Variants in TRPM5 observed in about 807,000 individuals in gnomAD.
TRPM5 encodes the protein transient receptor potential cation channel subfamily M member 5.
In TRPM5, 121 loss-of-function variants were observed where a neutral mutation model predicts 124.9. That is an observed-to-expected ratio of 0.97 (90% CI 0.84 to 1.13). TRPM5 has a LOEUF of 1.13. TRPM5 is among the 50% of genes most tolerant of loss of function. The pLI is 0.00. For synonymous variants in TRPM5, 781 were observed against 700.5 expected, an observed-to-expected ratio of 1.11 and a Z score of -1.81; for missense variants, 1,643 against 1,589.1, an observed-to-expected ratio of 1.03 and a Z score of -0.58.
intron 2 of TRPM5, among the ~76,000 whole-genome samples, chr11:2,421,833 G>T (rs1333994238): frequency 6.6e-6 from 1 of 152,182 alleles, no homozygotes; most frequent in East Asian, 1.9e-4. Flanking sequence ...AGTGGAGGGG[G>T]CAGCTCTAAG....
Position 2,411,897 on chromosome 11 carries a change from A to G in TRPM5, c.2475-130T>C, listed in dbSNP as rs1209174645. The G allele has an allele frequency of 3.4e-6, 4 of 1,168,630 alleles. No homozygotes were observed. The East Asian group carries it at 9.9e-5, about 29-fold the overall frequency. 72.4% of individuals were successfully genotyped at this position (1,168,630 alleles called of 1,614,324 possible). ...GACTCCTTGGGCCCTGAGTGGCTTC[A>G]TCTTTTGTTTATTTATTTTTAAGAG... On this transcript the variant is annotated intron_variant, in intron 16 of 23. Coordinates refer to ENST00000155858, the Ensembl canonical transcript of TRPM5.
chr11:2,418,617 T>C, intron 4 of TRPM5, 26 bp from the exon 10 acceptor site: 1 of 1,603,154 alleles, frequency 6.2e-7, no homozygotes, highest in African/African-American at 1.3e-5. Context: ...CCGTGAGGCC[T>C]GAGGACCCTC....
chr11:2,406,623 GC>G (rs768757406), intron 21 of TRPM5, 37 bp downstream of exon 26: 4 of 1,569,136 alleles, frequency 2.5e-6, no homozygotes, highest in African/African-American at 2.7e-5. Flanking sequence ...CTTAAAGACA[GC>G]CCGATACCCA....
the TRPM5 span, among the ~76,000 whole-genome samples, chr11:2,438,220 G>C: frequency 6.6e-6 from 1 of 152,160 alleles, no homozygotes; most frequent in Non-Finnish European, 1.5e-5. This position sits in a 1 kb window ranked among gnomAD's most constrained non-coding sequence, Gnocchi z 5.9. Context: ...CAAACCCACA[G>C]TCAACATCAT....
upstream of TRPM5, among the ~76,000 whole-genome samples, chr11:2,424,086 C>A (rs944341845): frequency 1.3e-5 from 2 of 152,238 alleles, no homozygotes; most frequent in Admixed American, 1.3e-4. Flanking sequence ...CTACCCTGTC[C>A]GACCTGGGGC....
intron 5 of TRPM5, 37 bp downstream of exon 10, chr11:2,418,490 G>C: frequency 1.3e-6 from 2 of 1,593,562 alleles, no homozygotes; most frequent in Non-Finnish European, 1.7e-6. Flanking sequence ...CCTCCACAAG[G>C]CTTCGGCCAG....
the TRPM5 span, among the ~76,000 whole-genome samples, chr11:2,430,515 G>C: frequency 6.6e-6 from 1 of 151,036 alleles, no homozygotes; most frequent in Non-Finnish European, 1.5e-5. Context: ...GATGGTGGTA[G>C]TAATGATGAT....
chr11:2,422,454 C>T, intron 1 of TRPM5, 133 bp from the exon 7 acceptor site: 1 of 582,560 alleles, frequency 1.7e-6, no homozygotes, highest in Non-Finnish European at 2.7e-6. Flanking sequence ...CTGGGAGGTG[C>T]TGGGCATCAA....
At chr11:2,430,168 C>G in the TRPM5 span, among the ~76,000 whole-genome samples, 1 of 152,126 alleles carries the variant, frequency 6.6e-6, no homozygotes, top group Non-Finnish European at 1.5e-5. Context: ...CCCAAAGAAG[C>G]CTTGGAGCCT....
intron 15 of TRPM5, 83 bp from the exon 21 acceptor site, chr11:2,412,336 T>A: frequency 9.0e-7 from 1 of 1,106,930 alleles, no homozygotes; most frequent in Non-Finnish European, 1.4e-6. Context: ...CTTGGATCTG[T>A]AAGGATCAGG....
the TRPM5 span, among the ~76,000 whole-genome samples, chr11:2,432,036 G>T: frequency 6.6e-6 from 1 of 152,250 alleles, no homozygotes; most frequent in Admixed American, 6.5e-5. Context: ...AGAGACGGAG[G>T]TGTCTAGGGG....
At chr11:2,412,341 A>ATCAGGGTTCAGCGTGCCATGGGGT in intron 15 of TRPM5, 88 bp from the exon 21 acceptor site, 1 of 1,035,982 alleles carries the variant, frequency 9.7e-7, no homozygotes, top group Non-Finnish European at 1.5e-6. Flanking sequence ...ATCTGTAAGG[A>ATCAGGGTTCAGCGTGCCATGGGGT]TCAGGGTTCC....
chr11:2,406,966 C>T (rs944333992), intron 20 of TRPM5, among the ~76,000 whole-genome samples, 153 bp downstream of exon 25: 1 of 152,222 alleles, frequency 6.6e-6, no homozygotes, highest in African/African-American at 2.4e-5. Context: ...GGTGGACGGG[C>T]TCAGCTGTGC....
upstream of TRPM5, among the ~76,000 whole-genome samples, chr11:2,427,373 G>A (rs1402841731): frequency 6.6e-6 from 1 of 152,244 alleles, no homozygotes; most frequent in Non-Finnish European, 1.5e-5. Flanking sequence ...CAAGGCGCGG[G>A]TGGAGCCGTC....
chr11:2,405,913 C>T (rs1249205242), intron 22 of TRPM5, 106 bp downstream of exon 27: 3 of 1,083,286 alleles, frequency 2.8e-6, no homozygotes, highest in African/African-American at 3.1e-5. Context: ...CTGGCTCTGG[C>T]CTGCCTCATC....
intron 20 of TRPM5, 39 bp from the exon 26 acceptor site, chr11:2,406,832 G>A (rs755173191): frequency 1.3e-6 from 2 of 1,588,658 alleles, no homozygotes; most frequent in Admixed American, 3.5e-5. Context: ...ACTAGAGCAT[G>A]TGGGCGTCAG....
At chr11:2,417,961 AC>A in intron 6 of TRPM5, 132 bp from the exon 12 acceptor site, 1 of 1,029,358 alleles carries the variant, frequency 9.7e-7, no homozygotes, top group South Asian at 1.5e-5. Flanking sequence ...CCCACCGCCC[AC>A]CGGGCCCGGC....
At chr11:2,436,570 C>T in the TRPM5 span, among the ~76,000 whole-genome samples, 3 of 152,224 alleles carry the variant, frequency 2.0e-5, no homozygotes, top group African/African-American at 7.2e-5. Context: ...AGGGGCCCCG[C>T]CAGGGCTGGG....
At chr11:2,410,061 ACGG>A (rs1565007812) in intron 18 of TRPM5, among the ~76,000 whole-genome samples, 1 of 152,142 alleles carries the variant, frequency 6.6e-6, no homozygotes, top group Non-Finnish European at 1.5e-5. Context: ...GGCCCTGCGG[ACGG>A]GCAGTGCTGG....
Sources: allele counts gnomAD v4.1 joint callset (sites outside exome capture counted in the v4.1 genomes callset), GRCh38; gene constraint gnomAD v4.1.1; non-coding constraint Gnocchi (gnomAD v3.1); transcripts MANE v1.5; gene names NCBI Gene and HGNC (gene_info 2026-07-23, HGNC 2026-07-21).